Variants in TLL1 observed in about 807,000 individuals in gnomAD.
TLL1 encodes the protein tolloid-like protein 1.
A neutral mutation model predicts 128.2 loss-of-function variants in TLL1; 49 were observed. That is an observed-to-expected ratio of 0.38 (90% CI 0.30 to 0.48). The LOEUF is 0.48. TLL1 is among the 20% of genes least tolerant of loss of function. TLL1 has a pLI of 0.96. For synonymous variants in TLL1, 454 were observed against 418.8 expected (o/e 1.08, Z -1.03); for missense variants, 1,123 against 1,242.0 (o/e 0.90, Z 1.44).
intron 1 of TLL1, among the ~76,000 whole-genome samples, chr4:165,975,616 A>G (rs766313311): frequency 1.3e-5 from 2 of 152,198 alleles, no homozygotes; most frequent in Non-Finnish European, 2.9e-5. Context: ...TATGGGTTAG[A>G]TCTCTTATAA....
chr4:166,025,289 T>A (rs891097836), intron 8 of TLL1, 27 bp from the exon 9 acceptor site: 1 of 1,464,052 alleles, frequency 6.8e-7, no homozygotes, highest in East Asian at 2.3e-5. Flanking sequence ...AATTAACCAA[T>A]GATCTTATAT....
At chr4:165,878,226 C>T (rs1380118465) in intron 1 of TLL1, among the ~76,000 whole-genome samples, 1 of 152,100 alleles carries the variant, frequency 6.6e-6, no homozygotes, top group African/African-American at 2.4e-5. Flanking sequence ...TTTATTCCAT[C>T]ATAATTTTAG....
intron 3 of TLL1, 90 bp downstream of exon 3, chr4:165,992,974 CATT>C: frequency 2.8e-6 from 3 of 1,072,252 alleles, no homozygotes; most frequent in Non-Finnish European, 4.3e-6. Context: ...ATCAGTGTGC[CATT>C]ATGATGTGAA....
At chr4:166,091,560 G>A (rs1486884881) in intron 19 of TLL1, among the ~76,000 whole-genome samples, 1 of 152,066 alleles carries the variant, frequency 6.6e-6, no homozygotes, top group Non-Finnish European at 1.5e-5. Context: ...TGTCTGATTT[G>A]TGATCAGTGC....
At chr4:165,939,308 G>A (rs1733896990) in intron 1 of TLL1, among the ~76,000 whole-genome samples, 1 of 152,050 alleles carries the variant, frequency 6.6e-6, no homozygotes, top group South Asian at 2.1e-4. Flanking sequence ...GGAAAAGGGG[G>A]CTTTGAATCT....
chr4:166,028,046 C>T (rs763068732), intron 9 of TLL1, among the ~76,000 whole-genome samples: 10 of 151,936 alleles, frequency 6.6e-5, no homozygotes, highest in Admixed American at 2.0e-4. Context: ...TTATAATCCT[C>T]GTGTCTTTAT....
In TLL1 at chr4:165,995,330, G is replaced by A; in HGVS notation, c.632+152G>A. The A allele has an allele frequency of 4.5e-6, 3 of 661,810 alleles. No homozygotes were observed. In the South Asian group the frequency reaches 5.1e-5, roughly 11 times the overall value. The allele number at this position is 661,810 out of a possible 1,614,324, so 41.0% of individuals were successfully genotyped here. ...TTTCCATAAAAATATTATATACTAG[G>A]TATGTGTATTCTTTGATCACAGTCC... On this transcript the variant is annotated intron_variant, in intron 5 of 20. Coordinates refer to ENST00000061240, the MANE Select transcript of TLL1 (RefSeq NM_012464.5).
chr4:166,039,524 C>A, intron 10 of TLL1, 83 bp downstream of exon 10: 2 of 968,750 alleles, frequency 2.1e-6, no homozygotes, highest in Admixed American at 1.9e-5. Flanking sequence ...CAAGAGTCAT[C>A]GTAGAGTTAA....
intron 1 of TLL1, among the ~76,000 whole-genome samples, chr4:165,907,017 G>C (rs1732290689): frequency 6.6e-6 from 1 of 152,146 alleles, no homozygotes; most frequent in African/African-American, 2.4e-5. Flanking sequence ...TAAAACATGT[G>C]AAACAAAACA....
At chr4:165,916,954 T>C (rs899201148) in intron 1 of TLL1, among the ~76,000 whole-genome samples, 45 of 152,176 alleles carry the variant, frequency 3.0e-4, no homozygotes, top group African/African-American at 9.9e-4. Context: ...TATCTTCTCA[T>C]GCCCATTTGT....
intron 1 of TLL1, among the ~76,000 whole-genome samples, chr4:165,927,687 T>C (rs1430764731): frequency 6.6e-6 from 1 of 152,158 alleles, no homozygotes; most frequent in African/African-American, 2.4e-5. Flanking sequence ...CCAGGGGACA[T>C]AAAGCAATGT....
intron 12 of TLL1, among the ~76,000 whole-genome samples, chr4:166,050,200 A>AT (rs1274056151): frequency 6.6e-6 from 1 of 151,804 alleles, no homozygotes; most frequent in East Asian, 1.9e-4. Context: ...AAAACACCCT[A>AT]TTTTTTTCCT....
At chr4:165,968,291 A>G (rs868717994) in intron 1 of TLL1, among the ~76,000 whole-genome samples, 1 of 152,186 alleles carries the variant, frequency 6.6e-6, no homozygotes, top group African/African-American at 2.4e-5. Context: ...AAGAACTATT[A>G]CATTAGTAGC....
intron 18 of TLL1, among the ~76,000 whole-genome samples, chr4:166,084,042 A>G (rs544752271): frequency 2.6e-5 from 4 of 152,138 alleles, no homozygotes; most frequent in Non-Finnish European, 5.9e-5. Context: ...CATCCTCACC[A>G]ACACTCGTTA....
intron 9 of TLL1, among the ~76,000 whole-genome samples, chr4:166,036,013 T>C (rs544952409): frequency 6.6e-6 from 1 of 152,340 alleles, no homozygotes; most frequent in Admixed American, 6.5e-5. Flanking sequence ...ATCTAGTTTA[T>C]CTTGCTGCTT....
At chr4:165,957,869 C>T (rs1437515123) in intron 1 of TLL1, among the ~76,000 whole-genome samples, 2 of 107,624 alleles carry the variant, frequency 1.9e-5, no homozygotes, top group Non-Finnish European at 3.7e-5. Context: ...CCCCTCCCCC[C>T]ACCCCACAAC....
chr4:166,053,872 G>A (rs1739874410), intron 12 of TLL1, among the ~76,000 whole-genome samples: 1 of 152,122 alleles, frequency 6.6e-6, no homozygotes, highest in Admixed American at 6.6e-5. Context: ...ATAAGCAGTT[G>A]ACTCTTTGAA....
chr4:166,017,891 A>C (rs991101524), intron 8 of TLL1, among the ~76,000 whole-genome samples: 1 of 152,170 alleles, frequency 6.6e-6, no homozygotes, highest in African/African-American at 2.4e-5. Flanking sequence ...ATATTGGCAT[A>C]AAATACTTAC....
In TLL1 at chr4:165,923,855, G is replaced by A. The variant is rs142298274; in HGVS notation, c.169+49782G>A. ...GCCATTTTTCTAACAATATGAGCTC[G>A]CTTCATGTCTCTGTGTCACATTTTG... On this transcript the variant is annotated intron_variant, in intron 1 of 20. Coordinates refer to ENST00000061240, the MANE Select transcript of TLL1 (RefSeq NM_012464.5). Among the ~76,000 whole-genome samples, 27 of 152,086 alleles carry A rather than the reference G, an allele frequency of 1.8e-4. No homozygotes were observed. The East Asian group carries it at 5.2e-3, about 29-fold the overall frequency.
Sources: allele counts gnomAD v4.1 joint callset (sites outside exome capture counted in the v4.1 genomes callset), GRCh38; gene constraint gnomAD v4.1.1; transcripts MANE v1.5; gene names NCBI Gene and HGNC (gene_info 2026-07-23, HGNC 2026-07-21).